The following ANK2 variants were observed in gnomAD, a reference collection of about 807,000 sequenced individuals.
ANK2 encodes the protein ankyrin-2.
A neutral mutation model predicts 360.5 loss-of-function variants in ANK2; 83 were observed. The observed-to-expected ratio is 0.23, with a 90% CI of 0.19 to 0.28. The LOEUF is 0.28. ANK2 is among the 10% of genes least tolerant of loss of function. ANK2 has a pLI of 1.00. For synonymous variants in ANK2, 1,740 were observed against 1,759.5 expected (o/e 0.99, Z 0.28); for missense variants, 4,201 against 4,795.7 (o/e 0.88, Z 3.66).
chr4:112,930,976 G>A (rs896661434), intron 2 of ANK2, among the ~76,000 whole-genome samples: 99 of 152,106 alleles, frequency 6.5e-4, no homozygotes, highest in African/African-American at 9.6e-5. Context: ...TATAGAAAAT[G>A]TCTCAGAGGA....
chr4:113,039,934 A>G (rs969001024), intron 2 of ANK2, among the ~76,000 whole-genome samples: 4 of 151,946 alleles, frequency 2.6e-5, no homozygotes, highest in Admixed American at 2.6e-4. Context: ...ATGGGCCCGG[A>G]GTTTTTCTTT....
chr4:113,333,222 A>G lies in ANK2; in HGVS notation c.3379+14A>G, dbSNP rs1031119334. The G allele has an allele frequency of 6.2e-7, 1 of 1,613,940 alleles. No homozygotes were observed. The highest frequency in any genetic ancestry group is 8.5e-7 in the Non-Finnish European group (1 of 1,179,896). On this transcript the variant is annotated intron_variant, in intron 29 of 45. Transcript: ENST00000357077. ...GCATGGATGAAGGTACTTTCAGATG[A>G]AGCGTTTTAAAAGAAATCTAAACTG...
intron 1 of ANK2, among the ~76,000 whole-genome samples, chr4:112,824,838 A>G (rs879518584): frequency 6.6e-6 from 1 of 152,182 alleles, no homozygotes; most frequent in African/African-American, 2.4e-5. Flanking sequence ...GAGCATGGAA[A>G]AGAAGCCATG....
At position 113,278,471 on chromosome 4, in the gene ANK2, C is replaced by G. The variant is rs1243721899; in HGVS notation, c.1794C>G (p.Thr598=). Residue 598 remains threonine, a synonymous_variant, in exon 17 of 46, where the codon ACC becomes ACG. Transcript: ENST00000357077. ...AADSAGKNGL[T]PLHVAAHYDN... ...CACACCCTTTACAGAACGGCCTTACCCCGCTCCATGTTGCTGCTCATTATG... is the reference window on the plus strand; with the variant it reads ...CACACCCTTTACAGAACGGCCTTACGCCGCTCCATGTTGCTGCTCATTATG... 2 of 1,613,754 alleles carry G rather than the reference C, an allele frequency of 1.2e-6. No homozygotes were observed. The highest frequency in any genetic ancestry group is 1.3e-5 in the African/African-American group (1 of 74,860).
At chr4:113,043,092 AT>A (rs1323117098) in intron 2 of ANK2, among the ~76,000 whole-genome samples, 1 of 152,280 alleles carries the variant, frequency 6.6e-6, no homozygotes, top group African/African-American at 2.4e-5. Context: ...TGTTGGATGA[AT>A]AAAGGAATAA....
chr4:112,982,144 T>TA (rs1259660939), intron 2 of ANK2, among the ~76,000 whole-genome samples: 3 of 152,136 alleles, frequency 2.0e-5, no homozygotes, highest in Non-Finnish European at 4.4e-5. Context: ...GCCTGTGAAT[T>TA]AAAAAAGAGT....
chr4:112,763,314 C>T, the ANK2 span, among the ~76,000 whole-genome samples: 8 of 151,658 alleles, frequency 5.3e-5, no homozygotes, highest in African/African-American at 1.5e-4. Context: ...CTGCAAGCTC[C>T]GTCTCCCGGG....
chr4:113,324,873 G>T (rs1315442534), intron 26 of ANK2, among the ~76,000 whole-genome samples: 1 of 152,008 alleles, frequency 6.6e-6, no homozygotes, highest in African/African-American at 2.4e-5. Context: ...GGTCCTCAAA[G>T]AATTAAAAAT....
chr4:112,963,514 A>G (rs2035828056), intron 2 of ANK2, among the ~76,000 whole-genome samples: 1 of 152,194 alleles, frequency 6.6e-6, no homozygotes, highest in Non-Finnish European at 1.5e-5. Context: ...TTGATAAGTA[A>G]AAATAATCCA....
At chr4:113,096,708 T>C (rs1050099709) in intron 1 of ANK2, among the ~76,000 whole-genome samples, 2 of 152,254 alleles carry the variant, frequency 1.3e-5, no homozygotes, top group Admixed American at 1.3e-4. Context: ...ATTACTATTA[T>C]TATTATTGTT....
intron 4 of ANK2, among the ~76,000 whole-genome samples, chr4:113,200,489 C>T (rs1271550488): frequency 6.6e-6 from 1 of 152,170 alleles, no homozygotes; most frequent in African/African-American, 2.4e-5. Context: ...CCCCTCCCCA[C>T]TTTTAGAGTC....
chr4:112,852,639 A>G (rs947364371), intron 1 of ANK2, among the ~76,000 whole-genome samples: 1 of 152,210 alleles, frequency 6.6e-6, no homozygotes, highest in Non-Finnish European at 1.5e-5. Context: ...CATTTCTTCT[A>G]TGTTTCCTAA....
intron 1 of ANK2, among the ~76,000 whole-genome samples, chr4:113,129,144 C>T (rs972889545): frequency 4.6e-5 from 7 of 151,820 alleles, no homozygotes; most frequent in African/African-American, 1.7e-4. Flanking sequence ...GGGGTCTTTA[C>T]TAATAGAAAT....
intron 1 of ANK2, among the ~76,000 whole-genome samples, chr4:113,169,027 C>T (rs747259099): frequency 1.5e-4 from 23 of 152,094 alleles, no homozygotes; most frequent in South Asian, 4.2e-4. Flanking sequence ...AACACAGTAA[C>T]GCCAGGAATC....
intron 2 of ANK2, among the ~76,000 whole-genome samples, chr4:112,970,153 T>G (rs2038968259): frequency 6.6e-6 from 1 of 151,284 alleles, no homozygotes; most frequent in South Asian, 2.1e-4. Flanking sequence ...CAGTTTAATT[T>G]TTTTGTATTT....
At chr4:112,883,561 C>T (rs187751743) in intron 1 of ANK2, among the ~76,000 whole-genome samples, 296 of 152,080 alleles carry the variant, frequency 1.9e-3, no homozygotes, top group Non-Finnish European at 3.5e-3. Context: ...AAAACTGTAA[C>T]GAGATTAGAA....
chr4:113,272,256 C>G (rs2058802582), intron 14 of ANK2, among the ~76,000 whole-genome samples: 2 of 152,196 alleles, frequency 1.3e-5, no homozygotes, highest in African/African-American at 2.4e-5. Context: ...CAAAGCAGAG[C>G]TCACCTACTT....
chr4:112,892,739 G>T (rs1201852551), intron 1 of ANK2, among the ~76,000 whole-genome samples: 1 of 152,196 alleles, frequency 6.6e-6, no homozygotes, highest in Admixed American at 6.5e-5. Flanking sequence ...TGATATGCAT[G>T]CTAAGGGTAT....
chr4:113,249,736 G>A, intron 9 of ANK2, 28 bp from the exon 10 acceptor site: 1 of 1,607,222 alleles, frequency 6.2e-7, no homozygotes, highest in African/African-American at 1.3e-5. Context: ...AAGTGAACTT[G>A]GGCCTAATTC....
Sources: allele counts gnomAD v4.1 joint callset (sites outside exome capture counted in the v4.1 genomes callset), GRCh38; gene constraint gnomAD v4.1.1; transcripts MANE v1.5; gene names NCBI Gene and HGNC (gene_info 2026-07-23, HGNC 2026-07-21).